The following SYNE2 variants were observed in gnomAD, a reference collection of about 807,000 sequenced individuals.
SYNE2 encodes nesprin-2.
Under a neutral mutation model 856.3 loss-of-function variants are expected in SYNE2, and 431 were observed. The observed-to-expected ratio is 0.50, with a 90% CI of 0.47 to 0.55. The LOEUF (loss-of-function observed/expected upper bound fraction) is 0.55. SYNE2 is among the 20% of genes least tolerant of loss of function. The pLI is 0.00. For synonymous variants in SYNE2, 2,923 were observed against 2,872.3 expected (o/e 1.02, Z -0.56); for missense variants, 8,129 against 8,023.2 (o/e 1.01, Z -0.50).
chr14:63,858,634 T>C (rs543463738), intron 1 of SYNE2, among the ~76,000 whole-genome samples: 153 of 152,206 alleles, frequency 1.0e-3, no homozygotes, highest in South Asian at 1.9e-3. Context: ...ATTAATCCAT[T>C]AATGACAGCA....
At position 63,977,761 on chromosome 14, in the gene SYNE2, T is replaced by C. The variant is rs369285587; in HGVS notation, c.1294-144T>C. On this transcript the variant is annotated intron_variant, in intron 12 of 115. Coordinates refer to ENST00000555002, the MANE Select transcript of SYNE2 (RefSeq NM_182914.3). Reference sequence around the variant, plus strand: ...GGTAACAGAGCGAGACCCTGTGTCTTAAAACAATAAAAAAAAGGTGGGTTG... The same window carrying C: ...GGTAACAGAGCGAGACCCTGTGTCTCAAAACAATAAAAAAAAGGTGGGTTG... 628 of 668,468 alleles carry C rather than the reference T, an allele frequency of 9.4e-4. 6 individuals are homozygous for C. The East Asian group carries it at 0.014, about 15-fold the overall frequency. The allele number at this position is 668,468 out of a possible 1,614,324, so 41.4% of individuals were successfully genotyped here. A position where few individuals can be genotyped will look rare whatever the true frequency, so the allele number is the denominator to read the frequency against.
chr14:64,205,023 T>G (rs2098598529), intron 100 of SYNE2, among the ~76,000 whole-genome samples: 1 of 152,204 alleles, frequency 6.6e-6, no homozygotes, highest in African/African-American at 2.4e-5. Flanking sequence ...GTGTCTGTCT[T>G]CCTAGTCACA....
chr14:63,828,139 A>G (rs1889531429), intron 1 of SYNE2, among the ~76,000 whole-genome samples: 1 of 150,316 alleles, frequency 6.7e-6, no homozygotes, highest in South Asian at 2.1e-4. Context: ...TGAGGCTGCC[A>G]TGAGCCATGA....
At chr14:64,167,086 C>CT in intron 90 of SYNE2, 147 bp from the exon 91 acceptor site, 6 of 975,060 alleles carry the variant, frequency 6.2e-6, no homozygotes, top group South Asian at 1.5e-5. Flanking sequence ...AGGTCCCACT[C>CT]TAACATTAGC....
At chr14:63,820,712 A>T (rs77115255) in intron 1 of SYNE2, among the ~76,000 whole-genome samples, 1 of 151,614 alleles carries the variant, frequency 6.6e-6, no homozygotes, top group Non-Finnish European at 1.5e-5. Context: ...TTTGGGATGG[A>T]TGAGCTAGGT....
At chr14:64,015,463 A>C (rs1398690079) in intron 32 of SYNE2, among the ~76,000 whole-genome samples, 2 of 151,884 alleles carry the variant, frequency 1.3e-5, no homozygotes, top group African/African-American at 4.8e-5. Flanking sequence ...TAAGTTTTCA[A>C]ATTTGTGTGT....
At chr14:63,802,661 G>A (rs1275893548) in intron 1 of SYNE2, among the ~76,000 whole-genome samples, 3 of 152,200 alleles carry the variant, frequency 2.0e-5, no homozygotes, top group South Asian at 4.1e-4. Flanking sequence ...GAATGAAGCC[G>A]CAGACCCTCG....
At chr14:63,783,540 C>T (rs535688933) in intron 1 of SYNE2, among the ~76,000 whole-genome samples, 1 of 152,192 alleles carries the variant, frequency 6.6e-6, no homozygotes, top group Admixed American at 6.6e-5. Context: ...ACGACGGTCT[C>T]GGAGACTTCT....
chr14:64,037,881 C>T (rs61984123), intron 45 of SYNE2, among the ~76,000 whole-genome samples: 26 of 148,378 alleles, frequency 1.8e-4, no homozygotes, highest in African/African-American at 5.5e-4. Context: ...GGCGGCTGGC[C>T]GGGCGGGGGG....
rs1304915473 is a variant in SYNE2, at chr14:64,003,340, GTCCATCCATT to G, written c.4397+19_4397+28del. ...CAGCTGTGAAACATCGGTAAGTATT[GTCCATCCATT>G]TCCATCCAAGGTGACTGACATCTTT... On this transcript the variant is annotated intron_variant, in intron 30 of 115. Coordinates refer to ENST00000555002, the MANE Select transcript of SYNE2 (RefSeq NM_182914.3). 5.0e-6 allele frequency: 8 copies of G among 1,613,828 alleles called. No homozygotes were observed. Among genetic ancestry groups the G allele is most frequent in the Non-Finnish European group, 6.8e-6 (8 of 1,180,008 alleles).
intron 1 of SYNE2, among the ~76,000 whole-genome samples, chr14:63,897,843 A>G (rs566457373): frequency 6.6e-6 from 1 of 152,298 alleles, no homozygotes; most frequent in African/African-American, 2.4e-5. Context: ...CCTGAGAAAA[A>G]TGAAGTCAGA....
chr14:64,118,043 CT>C (rs2097864946), intron 66 of SYNE2, among the ~76,000 whole-genome samples: 1 of 152,120 alleles, frequency 6.6e-6, no homozygotes, highest in African/African-American at 2.4e-5. Context: ...ATAAAGGGGC[CT>C]GTTACAGCTT....
At chr14:64,098,523 T>G in intron 62 of SYNE2, 1 of 609,220 alleles carries the variant, frequency 1.6e-6, no homozygotes, top group South Asian at 2.0e-5. Flanking sequence ...TAATCGTTTA[T>G]GAAGGGGCAC....
intron 101 of SYNE2, 69 bp from the exon 102 acceptor site, chr14:64,209,359 G>C (rs1392461880): frequency 6.2e-7 from 1 of 1,612,872 alleles, no homozygotes; most frequent in Non-Finnish European, 8.5e-7. Context: ...GGGTGTCAGG[G>C]GATAAAAGAA....
intron 95 of SYNE2, among the ~76,000 whole-genome samples, chr14:64,176,315 G>C (rs1191018126): frequency 1.3e-5 from 2 of 152,122 alleles, no homozygotes; most frequent in East Asian, 3.8e-4. Context: ...AGATCCACGG[G>C]CTAGTCATTT....
At chr14:64,183,807 T>C (rs1402529238) in intron 96 of SYNE2, among the ~76,000 whole-genome samples, 1 of 151,924 alleles carries the variant, frequency 6.6e-6, no homozygotes, top group African/African-American at 2.4e-5. Context: ...TCCCAGGCAC[T>C]CGGCAGGCTG....
intron 8 of SYNE2, among the ~76,000 whole-genome samples, chr14:63,957,264 AT>A (rs4027476): frequency 0.031 from 3,403 of 110,664 alleles, 106 homozygotes; most frequent in African/African-American, 0.1. Flanking sequence ...TGCCCAGCTA[AT>A]TTTTTTTTTT....
intron 1 of SYNE2, among the ~76,000 whole-genome samples, chr14:63,893,933 G>A (rs1215820978): frequency 1.3e-5 from 2 of 152,222 alleles, no homozygotes; most frequent in African/African-American, 4.8e-5. Context: ...GCTCCAGCCA[G>A]CTTGGCTGGG....
At chr14:63,790,134 C>T (rs886247307) in intron 1 of SYNE2, among the ~76,000 whole-genome samples, 2 of 152,080 alleles carry the variant, frequency 1.3e-5, no homozygotes, top group African/African-American at 4.8e-5. Flanking sequence ...GAGTTCCAGA[C>T]CAGCCTCGGG....
Sources: allele counts gnomAD v4.1 joint callset (sites outside exome capture counted in the v4.1 genomes callset), GRCh38; gene constraint gnomAD v4.1.1; transcripts MANE v1.5; gene names NCBI Gene and HGNC (gene_info 2026-07-23, HGNC 2026-07-21).